Variants in SIPA1L3 observed in about 807,000 individuals in gnomAD.
SIPA1L3 encodes signal-induced proliferation-associated 1-like protein 3.
A neutral mutation model predicts 150.1 loss-of-function variants in SIPA1L3; 59 were observed. The ratio of observed to expected loss-of-function variants is 0.39; its 90% CI spans 0.32 to 0.49. The LOEUF (loss-of-function observed/expected upper bound fraction) is 0.49, where lower values mean the gene tolerates loss of function less well. Ranked by LOEUF, SIPA1L3 falls within the 20% of genes least tolerant of loss-of-function variation. The pLI, the probability that SIPA1L3 is intolerant of heterozygous loss-of-function variation, is 0.86. For synonymous variants in SIPA1L3, 1,070 were observed against 1,077.6 expected (o/e 0.99, Z 0.14); for missense variants, 2,211 against 2,489.5 (o/e 0.89, Z 2.38).
intron 15 of SIPA1L3, among the ~76,000 whole-genome samples, chr19:38,168,451 G>A (rs943568850): frequency 2.0e-5 from 3 of 151,652 alleles, no homozygotes; most frequent in Non-Finnish European, 4.4e-5. Flanking sequence ...GTGACGGAGT[G>A]AAACTCTGTC....
chr19:38,024,641 C>T (rs775717757), intron 1 of SIPA1L3, among the ~76,000 whole-genome samples: 2 of 152,168 alleles, frequency 1.3e-5, no homozygotes, highest in Non-Finnish European at 2.9e-5. Context: ...TAGATCAAAG[C>T]ATTCTTCACT....
intron 12 of SIPA1L3, among the ~76,000 whole-genome samples, chr19:38,149,919 C>G (rs7257055): frequency 0.075 from 11,393 of 152,210 alleles, 1,282 homozygotes; most frequent in African/African-American, 0.24. Flanking sequence ...TCCGCCCTCC[C>G]CGGGCTCATC....
At chr19:37,910,670 T>A (rs923911955) in intron 1 of SIPA1L3, among the ~76,000 whole-genome samples, 3 of 152,184 alleles carry the variant, frequency 2.0e-5, no homozygotes, top group Non-Finnish European at 2.9e-5. Context: ...AGTGGCACGA[T>A]CTCAGCTCAC....
chr19:38,147,496 G>T (rs1459381399), intron 12 of SIPA1L3, among the ~76,000 whole-genome samples: 2 of 151,800 alleles, frequency 1.3e-5, no homozygotes, highest in Non-Finnish European at 2.9e-5. Flanking sequence ...TTTTCTGGAA[G>T]TTTTACTCTT....
chr19:38,049,637 TC>T (rs1344652271), intron 2 of SIPA1L3, among the ~76,000 whole-genome samples: 3 of 151,996 alleles, frequency 2.0e-5, no homozygotes, highest in Non-Finnish European at 4.4e-5. Flanking sequence ...GCATTCTCTC[TC>T]CCCAGGGGTG....
chr19:38,130,311 G>A (rs764697702), intron 9 of SIPA1L3, among the ~76,000 whole-genome samples, 187 bp from the exon 10 acceptor site: 5 of 152,212 alleles, frequency 3.3e-5, no homozygotes, highest in Non-Finnish European at 7.3e-5. Context: ...TTCCCCTCCA[G>A]AAATCAGGAA....
At chr19:38,121,063 T>TG (rs887027780) in intron 9 of SIPA1L3, among the ~76,000 whole-genome samples, 19 of 152,256 alleles carry the variant, frequency 1.2e-4, no homozygotes, top group African/African-American at 3.4e-4. Flanking sequence ...TCTGCATTGC[T>TG]GGGTGCAGTG....
intron 13 of SIPA1L3, among the ~76,000 whole-genome samples, chr19:38,161,373 C>T (rs1600152953): frequency 6.8e-6 from 1 of 147,158 alleles, no homozygotes; most frequent in South Asian, 2.2e-4. Context: ...TATGTACATA[C>T]AACCAACAAA....
At chr19:38,054,045 G>T (rs576149716) in intron 2 of SIPA1L3, among the ~76,000 whole-genome samples, 80 of 152,288 alleles carry the variant, frequency 5.3e-4, no homozygotes, top group African/African-American at 1.5e-3. Flanking sequence ...AACCCAGGCA[G>T]CCTGAGTTCA....
chr19:38,025,470 A>G (rs112210159), intron 1 of SIPA1L3, among the ~76,000 whole-genome samples: 1,772 of 152,232 alleles, frequency 0.012, 40 homozygotes, highest in African/African-American at 0.041. Context: ...GCCCTTTGGC[A>G]TCTTCCTCTC....
At chr19:38,121,550 C>T (rs1971017530) in intron 9 of SIPA1L3, among the ~76,000 whole-genome samples, 1 of 150,680 alleles carries the variant, frequency 6.6e-6, no homozygotes, top group Non-Finnish European at 1.5e-5. Flanking sequence ...ACCATCCTGG[C>T]TAACACAGTG....
At chr19:38,118,296 G>C (rs1226703472) in intron 8 of SIPA1L3, among the ~76,000 whole-genome samples, 4 of 151,852 alleles carry the variant, frequency 2.6e-5, no homozygotes, top group Non-Finnish European at 5.9e-5. Context: ...GTGGTGGTGG[G>C]CGCCTGTAAT....
At chr19:38,008,935 C>T (rs975657114) in intron 1 of SIPA1L3, among the ~76,000 whole-genome samples, 11 of 152,142 alleles carry the variant, frequency 7.2e-5, no homozygotes, top group African/African-American at 2.7e-4. Flanking sequence ...GCCTGTGAAG[C>T]ACTGAGGAGC....
intron 2 of SIPA1L3, among the ~76,000 whole-genome samples, chr19:38,059,814 T>A (rs1969409248): frequency 6.6e-6 from 1 of 151,890 alleles, no homozygotes; most frequent in Non-Finnish European, 1.5e-5. Context: ...TCTCACTCTG[T>A]CACCCAGGCT....
intron 2 of SIPA1L3, among the ~76,000 whole-genome samples, chr19:38,054,818 C>G (rs79530056): frequency 2.0e-5 from 3 of 152,196 alleles, no homozygotes; most frequent in Non-Finnish European, 4.4e-5. Flanking sequence ...GGGCATCACA[C>G]GACCTTCCTG....
chr19:37,911,210 C>A (rs1246592171), intron 1 of SIPA1L3, among the ~76,000 whole-genome samples: 2 of 151,144 alleles, frequency 1.3e-5, no homozygotes, highest in Admixed American at 1.3e-4. Flanking sequence ...CTTCAGTTAT[C>A]TTTTTCTGTG....
chr19:38,021,287 T>C (rs1192100052), intron 1 of SIPA1L3, among the ~76,000 whole-genome samples: 1 of 152,148 alleles, frequency 6.6e-6, no homozygotes, highest in African/African-American at 2.4e-5. Context: ...CTTTGTGTCA[T>C]ATAACAATGT....
intron 2 of SIPA1L3, among the ~76,000 whole-genome samples, chr19:38,050,321 T>C (rs1599954411): frequency 6.6e-6 from 1 of 151,942 alleles, no homozygotes; most frequent in Non-Finnish European, 1.5e-5. Flanking sequence ...CCCGACGTGG[T>C]GGCGCATGCC....
intron 15 of SIPA1L3, among the ~76,000 whole-genome samples, chr19:38,173,362 T>A (rs1972370569): frequency 1.3e-5 from 2 of 152,160 alleles, no homozygotes; most frequent in Non-Finnish European, 2.9e-5. Context: ...CCTCCAGACA[T>A]TCGTCATGGG....
Sources: gnomAD v4.1 joint callset for allele counts (sites outside exome capture counted in the v4.1 genomes callset) on GRCh38, gnomAD v4.1.1 for gene constraint, MANE v1.5 for transcripts, NCBI Gene and HGNC (gene_info 2026-07-23, HGNC 2026-07-21) for gene names.